PARD3B: variants seen among roughly 807,000 people sequenced by gnomAD.
PARD3B encodes par-3 family cell polarity regulator beta, also known as partitioning defective 3 homolog B.
In PARD3B, 103 loss-of-function variants were observed where a neutral mutation model predicts 130.2. The ratio of observed to expected loss-of-function variants is 0.79; its 90% CI spans 0.67 to 0.93. The LOEUF (loss-of-function observed/expected upper bound fraction) is 0.93, where lower values mean the gene tolerates loss of function less well. PARD3B is among the 40% of genes least tolerant of loss of function. The pLI is 0.00. For missense variants in PARD3B, 1,609 were observed against 1,499.2 expected, an observed-to-expected ratio of 1.07 and a Z score of -1.21; for synonymous variants, 583 against 553.2, an observed-to-expected ratio of 1.05 and a Z score of -0.76.
At chr2:205,084,136 A>G (rs1003937936) in intron 4 of PARD3B, among the ~76,000 whole-genome samples, 3 of 152,160 alleles carry the variant, frequency 2.0e-5, no homozygotes, top group African/African-American at 7.2e-5. Flanking sequence ...AATAGAATCT[A>G]AAATGCACCT....
At chr2:205,270,421 G>A (rs963765476) in intron 16 of PARD3B, among the ~76,000 whole-genome samples, 10 of 151,956 alleles carry the variant, frequency 6.6e-5, no homozygotes, top group African/African-American at 2.4e-4. Flanking sequence ...ACAAAAATTA[G>A]CCAAGTATCA....
At chr2:205,600,290 T>G (rs1173580494) in intron 22 of PARD3B, among the ~76,000 whole-genome samples, 2 of 152,162 alleles carry the variant, frequency 1.3e-5, no homozygotes, top group African/African-American at 4.8e-5. Flanking sequence ...AATCATGACA[T>G]TCTCCAAAGA....
chr2:205,301,551 T>A lies in PARD3B; in HGVS notation c.2480T>A (p.Met827Lys). 1 of 1,611,282 alleles carries A rather than the reference T, an allele frequency of 6.2e-7. No individual in the cohort carries two copies. Among genetic ancestry groups the A allele is most frequent in the Non-Finnish European group, 8.5e-7 (1 of 1,179,528 alleles). ...APQGNSELED[M>K]ENKARKVKKT... ...CAGGGGAATTCGGAGCTAGAGGACA[T>A]GGAAAATAAAGCCAGGAAAGTCAAA... is the stretch of plus-strand genomic sequence containing the variant. The change falls in exon 18 of 23, where the codon ATG (methionine) becomes AAG (lysine). Residue 827 changes from methionine (M) to lysine (K), a missense_variant. By Grantham distance (95) the Met-to-Lys change is moderately conservative. Coordinates refer to ENST00000406610, the MANE Select transcript of PARD3B (RefSeq NM_001302769.2). This position sits in a 1 kb window ranked among gnomAD's most constrained non-coding sequence, Gnocchi z 5.2.
At chr2:204,772,351 G>C (rs1291376466) in intron 2 of PARD3B, among the ~76,000 whole-genome samples, 1 of 151,930 alleles carries the variant, frequency 6.6e-6, no homozygotes, top group Non-Finnish European at 1.5e-5. Context: ...ACTGTTATTT[G>C]CTTAGTCCTA....
intron 5 of PARD3B, among the ~76,000 whole-genome samples, chr2:205,108,135 T>A (rs921356232): frequency 2.6e-5 from 4 of 152,228 alleles, no homozygotes; most frequent in Non-Finnish European, 4.4e-5. Flanking sequence ...CATGTTTTGA[T>A]GCTTTATTCC....
chr2:205,106,217 G>A (rs956145350), intron 5 of PARD3B, among the ~76,000 whole-genome samples: 1 of 151,688 alleles, frequency 6.6e-6, no homozygotes, highest in Non-Finnish European at 1.5e-5. Flanking sequence ...GCGTGATCTC[G>A]GCTCACCGCA....
intron 15 of PARD3B, among the ~76,000 whole-genome samples, chr2:205,216,084 C>G (rs1043923871): frequency 2.6e-5 from 4 of 152,078 alleles, no homozygotes; most frequent in African/African-American, 7.2e-5. Flanking sequence ...ATATTAGTCC[C>G]ATGAGCTTAT....
At position 204,551,637 on chromosome 2, in the gene PARD3B, GGCTGGTTATCTGA is replaced by G. The variant is rs145602034; in HGVS notation, c.120+5523_120+5535del. Among the ~76,000 whole-genome samples the G allele has an allele frequency of 8.0e-3, 1,219 of 152,214 alleles. 6 individuals carry two copies. Among genetic ancestry groups the G allele is most frequent in the Non-Finnish European group, 0.012 (849 of 68,010 alleles). ...ACATAGGGTTTGCTGAACCGGGTTT[GGCTGGTTATCTGA>G]GCTGAGTTAATTGCCCTGTGCGCGA... On this transcript the variant is annotated intron_variant, in intron 1 of 22. Transcript: ENST00000406610.
At chr2:204,651,708 A>G (rs1467221151) in intron 1 of PARD3B, among the ~76,000 whole-genome samples, 5 of 152,308 alleles carry the variant, frequency 3.3e-5, no homozygotes, top group Non-Finnish European at 7.3e-5. Flanking sequence ...TTTCTTCCCC[A>G]CACTACCCCA....
At chr2:204,634,685 T>C (rs1325878831) in intron 1 of PARD3B, among the ~76,000 whole-genome samples, 2 of 152,194 alleles carry the variant, frequency 1.3e-5, no homozygotes, top group African/African-American at 2.4e-5. Context: ...TTAATTGATA[T>C]TTAGATCTAG....
At chr2:204,823,154 T>G (rs2043431332) in intron 2 of PARD3B, among the ~76,000 whole-genome samples, 1 of 152,120 alleles carries the variant, frequency 6.6e-6, no homozygotes, top group South Asian at 2.1e-4. Context: ...TTACTTTAAC[T>G]GATTGATTGT....
chr2:204,740,889 T>C (rs1046422375), intron 2 of PARD3B, among the ~76,000 whole-genome samples: 2 of 152,234 alleles, frequency 1.3e-5, no homozygotes, highest in East Asian at 3.8e-4. Context: ...TGGATGTTTT[T>C]GTGTATCTTA....
intron 15 of PARD3B, among the ~76,000 whole-genome samples, chr2:205,243,841 G>A (rs914930782): frequency 6.6e-6 from 1 of 152,108 alleles, no homozygotes; most frequent in Non-Finnish European, 1.5e-5. Flanking sequence ...TGTGAGAATC[G>A]AATGAATGAA....
chr2:204,968,467 C>T (rs1395151975), intron 3 of PARD3B, among the ~76,000 whole-genome samples: 1 of 152,184 alleles, frequency 6.6e-6, no homozygotes, highest in East Asian at 1.9e-4. Flanking sequence ...TATTCATATT[C>T]CCAGGCCCTT....
chr2:205,301,377 C>T lies in PARD3B; in HGVS notation c.2393-87C>T. 1.3e-6 allele frequency: 2 copies of T among 1,530,220 alleles called. No homozygotes were observed. The highest frequency in any genetic ancestry group is 2.7e-5 in the South Asian group (2 of 74,338). The allele number at this position is 1,530,220 out of a possible 1,614,324, so 94.8% of individuals were successfully genotyped here. A position where few individuals can be genotyped will look rare whatever the true frequency, so the allele number is the denominator to read the frequency against. Reference sequence around the variant, plus strand: ...GAACTACAGAGTGCTGTTATTCATTCTTTTGCATTTTACATGTTAGCGTTT... The same window carrying T: ...GAACTACAGAGTGCTGTTATTCATTTTTTTGCATTTTACATGTTAGCGTTT... On this transcript the variant is annotated intron_variant, in intron 17 of 22. Transcript: ENST00000406610. This position sits in a 1 kb window ranked among gnomAD's most constrained non-coding sequence, Gnocchi z 5.2.
At chr2:205,023,971 G>A (rs1696826307) in intron 3 of PARD3B, among the ~76,000 whole-genome samples, 1 of 151,974 alleles carries the variant, frequency 6.6e-6, no homozygotes, top group Non-Finnish European at 1.5e-5. Context: ...GTGTGGTGAG[G>A]AGAAAATCCC....
At chr2:204,802,890 A>G (rs1199895969) in intron 2 of PARD3B, among the ~76,000 whole-genome samples, 1 of 152,076 alleles carries the variant, frequency 6.6e-6, no homozygotes, top group African/African-American at 2.4e-5. Context: ...CCTAATGTAG[A>G]TGATGGGTTG....
At chr2:205,608,347 A>C (rs960264119) in intron 22 of PARD3B, among the ~76,000 whole-genome samples, 1 of 152,190 alleles carries the variant, frequency 6.6e-6, no homozygotes, top group Non-Finnish European at 1.5e-5. Context: ...AAATTCTAGG[A>C]CCACAGTTAC....
intron 13 of PARD3B, among the ~76,000 whole-genome samples, chr2:205,178,487 A>G (rs1486507747): frequency 6.6e-6 from 1 of 152,200 alleles, no homozygotes; most frequent in African/African-American, 2.4e-5. Flanking sequence ...TCTTGACAGA[A>G]CAAGATTGCC....
Sources: allele counts gnomAD v4.1 joint callset (sites outside exome capture counted in the v4.1 genomes callset), GRCh38; gene constraint gnomAD v4.1.1; non-coding constraint Gnocchi (gnomAD v3.1); transcripts MANE v1.5; gene names NCBI Gene and HGNC (gene_info 2026-07-23, HGNC 2026-07-21).